The following NXN variants were observed in gnomAD, a reference collection of about 807,000 sequenced individuals.
NXN encodes nucleoredoxin 1.
NXN carries 16 observed loss-of-function variants against 48.6 expected under a neutral mutation model. That is an observed-to-expected ratio of 0.33 (90% CI 0.22 to 0.50). The LOEUF (loss-of-function observed/expected upper bound fraction) is 0.50, where lower values mean the gene tolerates loss of function less well. Ranked by LOEUF, NXN falls within the 20% of genes least tolerant of loss-of-function variation. The pLI is 0.98. For synonymous variants in NXN, 281 were observed against 269.6 expected (o/e 1.04, Z -0.41); for missense variants, 492 against 605.5 (o/e 0.81, Z 1.97).
chr17:800,948 G>A lies in NXN; in HGVS notation c.*1C>T, dbSNP rs371925679. The A allele has an allele frequency of 3.9e-5, 57 of 1,460,130 alleles. No individual in the cohort carries two copies. The highest frequency in any genetic ancestry group is 4.9e-5 in the Non-Finnish European group (54 of 1,096,894). The allele number at this position is 1,460,130 out of a possible 1,614,324, so 90.4% of individuals were successfully genotyped here. A position where few individuals can be genotyped will look rare whatever the true frequency, so the allele number is the denominator to read the frequency against. On this transcript the variant is annotated 3_prime_UTR_variant, in exon 8 of 8. Transcript: ENST00000336868. ...TAACGTCTCAGGAGGCCGGAGCCAC[G>A]CTAGATGGGCTCCGGTTTGAGCTTC...
At chr17:809,622 G>A (rs1911793641) in intron 5 of NXN, among the ~76,000 whole-genome samples, 1 of 152,208 alleles carries the variant, frequency 6.6e-6, no homozygotes. Flanking sequence ...AGATTGCTGG[G>A]AGCTGGGAGG....
At position 863,647 on chromosome 17, in the gene NXN, A is replaced by T. The variant is rs143938833; in HGVS notation, c.361-37569T>A. On this transcript the variant is annotated intron_variant, in intron 1 of 7. Coordinates refer to ENST00000336868, the MANE Select transcript of NXN (RefSeq NM_022463.5). ...AGATAATTTTTAATATTATTTGTAG[A>T]GATGGGGGTCTCTCTATGTTGCCCA... Among the ~76,000 whole-genome samples, 329 of 152,130 alleles carry T rather than the reference A, an allele frequency of 2.2e-3. 1 individual carries two copies. The highest frequency in any genetic ancestry group is 3.8e-3 in the Non-Finnish European group (259 of 68,022).
At chr17:938,065 C>T (rs747454429) in intron 1 of NXN, among the ~76,000 whole-genome samples, 2 of 152,258 alleles carry the variant, frequency 1.3e-5, no homozygotes, top group Admixed American at 1.3e-4. Flanking sequence ...ATTTGAAAAC[C>T]CACCAAGGCC....
chr17:893,426 C>G (rs190891035), intron 1 of NXN, among the ~76,000 whole-genome samples: 3 of 152,326 alleles, frequency 2.0e-5, no homozygotes, highest in African/African-American at 7.2e-5. Flanking sequence ...GGTGAGAATG[C>G]CCTCCTTGGA....
intron 5 of NXN, among the ~76,000 whole-genome samples, chr17:818,164 G>A (rs1019178470): frequency 6.6e-6 from 1 of 152,084 alleles, no homozygotes; most frequent in African/African-American, 2.4e-5. Flanking sequence ...GGGAGGCTGA[G>A]GTGAGAGGAT....
chr17:915,705 T>G (rs972931009), intron 1 of NXN, among the ~76,000 whole-genome samples: 1 of 151,740 alleles, frequency 6.6e-6, no homozygotes, highest in Non-Finnish European at 1.5e-5. Context: ...GCTGGAAACT[T>G]GGCAATAAAC....
At chr17:883,464 C>T (rs55916504) in intron 1 of NXN, among the ~76,000 whole-genome samples, 20,717 of 152,076 alleles carry the variant, frequency 0.14, 1,553 homozygotes, top group Middle Eastern at 0.18. Context: ...CAGCTCCAAA[C>T]CCCGCCTACA....
intron 1 of NXN, among the ~76,000 whole-genome samples, chr17:952,210 CCGG>C (rs1421114029): frequency 2.5e-5 from 3 of 121,442 alleles, no homozygotes; most frequent in African/African-American, 5.8e-5. Flanking sequence ...AGGTTGGAAC[CCGG>C]CAGGTACCAC....
chr17:972,499 A>G (rs1277314431), intron 1 of NXN, among the ~76,000 whole-genome samples: 1 of 152,034 alleles, frequency 6.6e-6, no homozygotes, highest in African/African-American at 2.4e-5. Flanking sequence ...AAAAAAGGAA[A>G]GAAAACACAT....
chr17:826,144 G>T, intron 1 of NXN, 66 bp from the exon 2 acceptor site: 1 of 1,040,282 alleles, frequency 9.6e-7, no homozygotes, highest in Non-Finnish European at 1.5e-6. Flanking sequence ...GTTCTTTTGA[G>T]CCCCTTAGGT....
intron 1 of NXN, among the ~76,000 whole-genome samples, chr17:843,006 G>GAGAAAGAAAGAAAGAAAGAAAGAA (rs781376999): frequency 3.1e-5 from 3 of 96,040 alleles, no homozygotes; most frequent in African/African-American, 4.3e-5. Context: ...GAGAGAAAGA[G>GAGAAAGAAAGAAAGAAAGAAAGAA]AGAAAGAAAG....
At chr17:803,349 G>C (rs1244198666) in intron 7 of NXN, among the ~76,000 whole-genome samples, 2 of 152,208 alleles carry the variant, frequency 1.3e-5, no homozygotes, top group Non-Finnish European at 2.9e-5. Context: ...ATTTTGTAAA[G>C]ACTCAAGGGC....
rs189600983 is a variant in NXN, at chr17:968,610, T to C, written c.360+10709A>G. On this transcript the variant is annotated intron_variant, in intron 1 of 7. Coordinates refer to ENST00000336868, the MANE Select transcript of NXN (RefSeq NM_022463.5). ...AATCAAAGACACAGATGTCATCAAA[T>C]CAACAACTGACAGACAATTATTGTC... Among the ~76,000 whole-genome samples the C allele has an allele frequency of 3.5e-4, 53 of 151,956 alleles. 1 individual carries two copies. Among genetic ancestry groups the C allele is most frequent in the African/African-American group, 1.0e-3 (42 of 41,414 alleles).
At chr17:976,079 ATG>A (rs1163660948) in intron 1 of NXN, among the ~76,000 whole-genome samples, 2 of 149,882 alleles carry the variant, frequency 1.3e-5, no homozygotes, top group South Asian at 2.1e-4. Flanking sequence ...CTGAAATAAT[ATG>A]TGTTTTGGAA....
At chr17:973,674 T>A (rs1049468329) in intron 1 of NXN, among the ~76,000 whole-genome samples, 1 of 152,076 alleles carries the variant, frequency 6.6e-6, no homozygotes, top group African/African-American at 2.4e-5. Context: ...TGGGGCAATT[T>A]TTTTTATTTA....
rs192304410 is a variant in NXN at position 964,869 on chromosome 17, C to T, written c.360+14450G>A. On this transcript the variant is annotated intron_variant, in intron 1 of 7. Transcript: ENST00000336868. ...GATAATTTTGAAACAAAATGCCACA[C>T]TTAATTAGCCAGCGGGCTTCGCATC... Among the ~76,000 whole-genome samples the T allele has an allele frequency of 3.3e-5, 5 of 152,320 alleles. No individual in the cohort carries two copies. In the East Asian group the frequency reaches 9.6e-4, roughly 29 times the overall value.
intron 1 of NXN, among the ~76,000 whole-genome samples, chr17:977,447 C>T (rs1005423380): frequency 6.6e-6 from 1 of 152,210 alleles, no homozygotes; most frequent in African/African-American, 2.4e-5. Context: ...AAGAGCCTGT[C>T]CAGGGTATAG....
chr17:803,786 A>C lies in NXN; in HGVS notation c.1021T>G (p.Ser341Ala), dbSNP rs377506387. The stretch of plus-strand genomic sequence containing the variant: ...TGAATCAGCTGCTTGGCCGCCTCGG[A>C]CTCTCCGTCATCCTCAGAATCTGTG... ...LFVDSEDDGE[S>A]EAAKQLIQPI... Residue 341 changes from serine to alanine, a missense_variant, in exon 7 of 8, where the codon TCC becomes GCC. Ser to Ala is a moderately conservative substitution (Grantham distance 99). Transcript: ENST00000336868. The C allele has an allele frequency of 6.2e-7, 1 of 1,613,958 alleles. No homozygotes were observed. The highest frequency in any genetic ancestry group is 8.5e-7 in the Non-Finnish European group (1 of 1,179,988).
At chr17:834,586 TG>T (rs1276813940) in intron 1 of NXN, among the ~76,000 whole-genome samples, 1 of 152,126 alleles carries the variant, frequency 6.6e-6, no homozygotes, top group Admixed American at 6.6e-5. Context: ...GGCTAATTTT[TG>T]TATTTTTAGT....
Sources: gnomAD v4.1 joint callset for allele counts (sites outside exome capture counted in the v4.1 genomes callset) on GRCh38, gnomAD v4.1.1 for gene constraint, MANE v1.5 for transcripts, NCBI Gene and HGNC (gene_info 2026-07-23, HGNC 2026-07-21) for gene names.